Variants in ZMIZ1 observed in about 807,000 individuals in gnomAD.
ZMIZ1 encodes the protein zinc finger MIZ-type containing 1.
Under a neutral mutation model 113.9 loss-of-function variants are expected in ZMIZ1, and 17 were observed. The observed-to-expected ratio is 0.15, with a 90% confidence interval of 0.10 to 0.22. ZMIZ1 has a LOEUF of 0.22. ZMIZ1 is among the 10% of genes least tolerant of loss of function. The probability of loss-of-function intolerance (pLI) is 1.00; values close to 1 mark genes in which losing one functional copy is unlikely to be tolerated. For synonymous variants in ZMIZ1, 607 were observed against 603.1 expected (o/e 1.01, Z -0.09); for missense variants, 1,059 against 1,477.8 (o/e 0.72, Z 4.65).
chr10:79,216,198 CT>C lies in ZMIZ1; in HGVS notation c.207del (p.Phe69LeufsTer64). ...TCAGTCGGGTGGCAGCCCAGCAAGG[CT>C]TTGACCTGGACCTCGGCTACAGACT... is the stretch of plus-strand genomic sequence containing the variant. ...VVSRVAAQQG[F>X]DLDLGYRLLA... On this transcript the variant is annotated frameshift_variant, in exon 7 of 25. Coordinates refer to ENST00000334512, the MANE Select transcript of ZMIZ1 (RefSeq NM_020338.4). LOFTEE classifies it high-confidence loss of function. The C allele has an allele frequency of 6.4e-7, 1 of 1,552,516 alleles. No homozygotes were observed. The highest frequency in any genetic ancestry group is 8.7e-7 in the Non-Finnish European group (1 of 1,147,466).
intron 2 of ZMIZ1, among the ~76,000 whole-genome samples, chr10:79,124,248 A>C (rs1036252754): frequency 1.3e-5 from 2 of 152,198 alleles, no homozygotes; most frequent in African/African-American, 4.8e-5. Flanking sequence ...GTAAAATCAG[A>C]GGATTGGGGT....
chr10:79,220,750 C>T (rs1433473278), intron 7 of ZMIZ1, among the ~76,000 whole-genome samples: 2 of 152,102 alleles, frequency 1.3e-5, no homozygotes, highest in African/African-American at 2.4e-5. Context: ...TCCCACTGTA[C>T]GTCTGTGTGT....
chr10:79,263,522 T>C (rs1366507936), intron 7 of ZMIZ1, among the ~76,000 whole-genome samples: 1 of 152,030 alleles, frequency 6.6e-6, no homozygotes, highest in Non-Finnish European at 1.5e-5. Context: ...TTGGGAAGAT[T>C]TGTGGGTGTT....
chr10:79,133,097 A>AT (rs1473245496), intron 2 of ZMIZ1, among the ~76,000 whole-genome samples: 5 of 152,162 alleles, frequency 3.3e-5, no homozygotes, highest in African/African-American at 1.2e-4. Flanking sequence ...AACCCTTAGA[A>AT]TAGCATCCAA....
chr10:79,163,924 G>A (rs933100666), intron 4 of ZMIZ1, among the ~76,000 whole-genome samples: 3 of 152,192 alleles, frequency 2.0e-5, no homozygotes, highest in Non-Finnish European at 2.9e-5. Flanking sequence ...TTCTCTTTTC[G>A]GATGTTTTTC....
intron 2 of ZMIZ1, among the ~76,000 whole-genome samples, chr10:79,126,653 AAAG>A (rs948743991): frequency 1.3e-5 from 2 of 152,196 alleles, no homozygotes; most frequent in African/African-American, 4.8e-5. Context: ...CGGCAGAAGG[AAAG>A]AAGGTTATAT....
intron 24 of ZMIZ1, among the ~76,000 whole-genome samples, chr10:79,311,726 G>C (rs1855181826): frequency 6.6e-6 from 1 of 152,140 alleles, no homozygotes; most frequent in South Asian, 2.1e-4. Context: ...GCCAGGGGCA[G>C]CAGGCCATCA....
At chr10:79,250,048 G>A (rs1850452812) in intron 7 of ZMIZ1, among the ~76,000 whole-genome samples, 2 of 152,186 alleles carry the variant, frequency 1.3e-5, no homozygotes, top group South Asian at 2.1e-4. Flanking sequence ...AATGAGATGG[G>A]GCTAAAAGGC....
At chr10:79,261,623 G>GCA (rs1851279247) in intron 7 of ZMIZ1, among the ~76,000 whole-genome samples, 2 of 152,216 alleles carry the variant, frequency 1.3e-5, no homozygotes, top group Admixed American at 1.3e-4. Flanking sequence ...GCCACTCTGT[G>GCA]AAGCAGGCTC....
At chr10:79,210,230 C>T (rs140419775) in intron 6 of ZMIZ1, among the ~76,000 whole-genome samples, 3 of 152,208 alleles carry the variant, frequency 2.0e-5, no homozygotes, top group African/African-American at 7.2e-5. Flanking sequence ...CACATTGCCC[C>T]GAGCCTGACC....
chr10:79,305,968 C>T (rs1310449598), intron 21 of ZMIZ1, 132 bp from the exon 22 acceptor site: 41 of 1,384,924 alleles, frequency 3.0e-5, no homozygotes, highest in South Asian at 8.5e-5. Flanking sequence ...GCTTCCGCCT[C>T]GTCCACAGTG....
In ZMIZ1 at chr10:79,311,198, G is replaced by A. The variant is rs375177291; in HGVS notation, c.3096+14G>A. The A allele has an allele frequency of 2.6e-5, 40 of 1,528,946 alleles. No individual in the cohort carries two copies. The highest frequency in any genetic ancestry group is 1.5e-4 in the African/African-American group (11 of 72,282). 94.7% of individuals were successfully genotyped at this position (1,528,946 alleles called of 1,614,324 possible). A position where few individuals can be genotyped will look rare whatever the true frequency, so the allele number is the denominator to read the frequency against. On this transcript the variant is annotated intron_variant, in intron 24 of 24. Coordinates refer to ENST00000334512, the MANE Select transcript of ZMIZ1 (RefSeq NM_020338.4). ...CCTTCGCTGGATGTAAGTTGGGGTC[G>A]CCACTCGCCTTGGCCTGGGGCTAGG...
At chr10:79,275,620 A>G (rs1161042933) in intron 7 of ZMIZ1, among the ~76,000 whole-genome samples, 1 of 152,208 alleles carries the variant, frequency 6.6e-6, no homozygotes, top group African/African-American at 2.4e-5. Context: ...GTGGCGTACA[A>G]GAGGCCTGAG....
chr10:79,238,992 GGT>G (rs1212241908), intron 7 of ZMIZ1, among the ~76,000 whole-genome samples: 1 of 152,150 alleles, frequency 6.6e-6, no homozygotes, highest in Non-Finnish European at 1.5e-5. Flanking sequence ...TCTGAGGTCT[GGT>G]GGGGATGCCT....
chr10:79,189,185 T>A (rs537175068), intron 4 of ZMIZ1, among the ~76,000 whole-genome samples: 5 of 152,106 alleles, frequency 3.3e-5, no homozygotes, highest in African/African-American at 9.6e-5. Flanking sequence ...TAAAACAGAG[T>A]CCCTCCAGCT....
At position 79,296,056 on chromosome 10, in the gene ZMIZ1, G is replaced by A. The variant is rs76363949; in HGVS notation, c.1231-415G>A. The A allele has an allele frequency of 0.026, 5,677 of 214,718 alleles. 342 individuals carry two copies. Among genetic ancestry groups the A allele is most frequent in the African/African-American group, 0.12 (5,220 of 42,284 alleles). 13.3% of individuals were successfully genotyped at this position (214,718 alleles called of 1,614,324 possible). Reference sequence around the variant, plus strand: ...GCCTTGGAATGCAGGGGCACAGGGGGCTCCTTTCTGGAATTGCATCCTGTT... The same window carrying A: ...GCCTTGGAATGCAGGGGCACAGGGGACTCCTTTCTGGAATTGCATCCTGTT... On this transcript the variant is annotated intron_variant, in intron 12 of 24. Transcript: ENST00000334512. The surrounding 1 kb of genome is among the most constrained non-coding windows in gnomAD (Gnocchi z 4.1).
intron 3 of ZMIZ1, among the ~76,000 whole-genome samples, chr10:79,156,914 C>G (rs1845923027): frequency 6.6e-6 from 1 of 152,202 alleles, no homozygotes. Flanking sequence ...ACTACCAGGT[C>G]CCTGTCCTTA....
intron 4 of ZMIZ1, among the ~76,000 whole-genome samples, chr10:79,178,094 G>T (rs1343059312): frequency 6.6e-6 from 1 of 152,144 alleles, no homozygotes; most frequent in East Asian, 1.9e-4. Flanking sequence ...TGCTGCTGGG[G>T]ACTCTGGGGA....
intron 4 of ZMIZ1, among the ~76,000 whole-genome samples, chr10:79,176,258 G>T (rs1409011389): frequency 6.6e-6 from 1 of 152,090 alleles, no homozygotes; most frequent in Non-Finnish European, 1.5e-5. Context: ...CGTGTGAGTG[G>T]AGCCCCCTCC....
Sources: gnomAD v4.1 joint callset for allele counts (sites outside exome capture counted in the v4.1 genomes callset) on GRCh38, gnomAD v4.1.1 for gene constraint, Gnocchi (gnomAD v3.1) non-coding constraint, MANE v1.5 for transcripts, NCBI Gene and HGNC (gene_info 2026-07-23, HGNC 2026-07-21) for gene names.